The following GRIA1 variants were observed in gnomAD, a reference collection of about 807,000 sequenced individuals.
GRIA1 encodes the protein glutamate receptor 1.
A neutral mutation model predicts 99.2 loss-of-function variants in GRIA1; 31 were observed. The ratio of observed to expected loss-of-function variants is 0.31; its 90% confidence interval spans 0.23 to 0.42. The LOEUF (loss-of-function observed/expected upper bound fraction) is 0.42, where lower values mean the gene tolerates loss of function less well. GRIA1 is among the 10% of genes least tolerant of loss of function. The probability of loss-of-function intolerance (pLI) is 1.00; values close to 1 mark genes in which losing one functional copy is unlikely to be tolerated. For missense variants in GRIA1, 782 were observed against 1,157.5 expected, an observed-to-expected ratio of 0.68 and a Z score of 4.71; for synonymous variants, 438 against 432.4, an observed-to-expected ratio of 1.01 and a Z score of -0.16.
At chr5:153,768,201 G>A (rs976873908) in intron 12 of GRIA1, among the ~76,000 whole-genome samples, 1 of 152,246 alleles carries the variant, frequency 6.6e-6, no homozygotes, top group East Asian at 1.9e-4. Context: ...TTAGTTCTGG[G>A]TATTTCCTCC....
At chr5:153,554,265 T>G (rs2149344922) in intron 2 of GRIA1, among the ~76,000 whole-genome samples, 1 of 152,252 alleles carries the variant, frequency 6.6e-6, no homozygotes, top group East Asian at 1.9e-4. Flanking sequence ...TGCTGAAACA[T>G]TTCTCAGGAC....
intron 6 of GRIA1, among the ~76,000 whole-genome samples, chr5:153,676,578 G>A (rs1263165882): frequency 6.6e-6 from 1 of 152,172 alleles, no homozygotes; most frequent in African/African-American, 2.4e-5. Context: ...GCTGATGACT[G>A]TAATGCCGGG....
intron 2 of GRIA1, among the ~76,000 whole-genome samples, chr5:153,565,786 C>A (rs763581207): frequency 6.6e-6 from 1 of 151,754 alleles, no homozygotes; most frequent in Non-Finnish European, 1.5e-5. Context: ...GTGCTTCATC[C>A]CTTTATGGTA....
At chr5:153,542,666 TC>T (rs1444279836) in intron 2 of GRIA1, among the ~76,000 whole-genome samples, 2 of 152,192 alleles carry the variant, frequency 1.3e-5, no homozygotes, top group African/African-American at 4.8e-5. Flanking sequence ...CAGAGTCTAG[TC>T]TTTGCTCTGC....
At chr5:153,633,653 AAGTT>A (rs1312866410) in intron 2 of GRIA1, among the ~76,000 whole-genome samples, 2 of 152,170 alleles carry the variant, frequency 1.3e-5, no homozygotes, top group Non-Finnish European at 2.9e-5. Flanking sequence ...GAAAATGTAT[AAGTT>A]AGAGAGGTGA....
intron 2 of GRIA1, among the ~76,000 whole-genome samples, chr5:153,505,689 C>G (rs1016654363): frequency 6.6e-6 from 1 of 152,238 alleles, no homozygotes; most frequent in East Asian, 1.9e-4. Flanking sequence ...GTGTTCCACA[C>G]TTTGCTAGGC....
At chr5:153,530,000 A>C (rs1458073019) in intron 2 of GRIA1, among the ~76,000 whole-genome samples, 3 of 152,146 alleles carry the variant, frequency 2.0e-5, no homozygotes, top group African/African-American at 7.2e-5. Flanking sequence ...GGATATTCTG[A>C]AGCTCAAGTG....
chr5:153,780,344 C>T (rs1046796431), intron 13 of GRIA1, among the ~76,000 whole-genome samples: 14 of 152,176 alleles, frequency 9.2e-5, no homozygotes, highest in Admixed American at 3.3e-4. Context: ...CCCGCATTTA[C>T]GACCCATGTG....
intron 1 of GRIA1, 51 bp downstream of exon 1, chr5:153,491,021 T>A (rs1222585607): frequency 1.3e-6 from 2 of 1,542,704 alleles, no homozygotes; most frequent in South Asian, 1.1e-5. Flanking sequence ...GGCCAGGGAT[T>A]TTTTTGGGGA....
At chr5:153,612,388 G>C (rs1027496420) in intron 2 of GRIA1, among the ~76,000 whole-genome samples, 1 of 152,190 alleles carries the variant, frequency 6.6e-6, no homozygotes, top group Non-Finnish European at 1.5e-5. Context: ...GAAAATATGG[G>C]CTTGGAAATC....
At chr5:153,506,598 T>C (rs1755530068) in intron 2 of GRIA1, among the ~76,000 whole-genome samples, 1 of 152,200 alleles carries the variant, frequency 6.6e-6, no homozygotes, top group South Asian at 2.1e-4. Context: ...CTAATCTATC[T>C]GGTAAAGGCT....
intron 11 of GRIA1, among the ~76,000 whole-genome samples, chr5:153,709,257 G>A (rs1225183773): frequency 6.6e-6 from 1 of 152,176 alleles, no homozygotes; most frequent in Non-Finnish European, 1.5e-5. Context: ...GGCTTTTAAA[G>A]CTGACATTCA....
chr5:153,786,796 TA>T lies in GRIA1; in HGVS notation c.2271-7821del, dbSNP rs140195051. ...GGAGCATTGCAGAGCAACCAGGTCTTAAAAGAGAAGTTAAGGAGAACAGCAA... is the reference window on the plus strand; with the variant it reads ...GGAGCATTGCAGAGCAACCAGGTCTTAAAGAGAAGTTAAGGAGAACAGCAA... On this transcript the variant is annotated intron_variant, in intron 13 of 15. Coordinates refer to ENST00000285900, the MANE Select transcript of GRIA1 (RefSeq NM_000827.4). Among the ~76,000 whole-genome samples, 1,134 of 152,222 alleles carry T rather than the reference TA, an allele frequency of 7.4e-3. 5 individuals are homozygous for T. Among genetic ancestry groups the T allele is most frequent in the South Asian group, 0.016 (75 of 4,808 alleles).
chr5:153,793,448 C>T (rs1765442368), intron 13 of GRIA1, among the ~76,000 whole-genome samples: 1 of 152,180 alleles, frequency 6.6e-6, no homozygotes. Flanking sequence ...ATACCATCAT[C>T]AGAGTAATCC....
chr5:153,639,625 T>C (rs1482018714), intron 2 of GRIA1, among the ~76,000 whole-genome samples: 1 of 152,232 alleles, frequency 6.6e-6, no homozygotes, highest in Non-Finnish European at 1.5e-5. Flanking sequence ...TTCTTTGTAA[T>C]ATTCGCAGCA....
intron 2 of GRIA1, among the ~76,000 whole-genome samples, chr5:153,519,033 G>T (rs1398440890): frequency 1.3e-5 from 2 of 152,174 alleles, no homozygotes; most frequent in Admixed American, 1.3e-4. Context: ...GGGAGGCCGA[G>T]GTGGGCAGAT....
At chr5:153,710,044 G>T (rs1759197491) in intron 11 of GRIA1, among the ~76,000 whole-genome samples, 1 of 152,118 alleles carries the variant, frequency 6.6e-6, no homozygotes, top group Admixed American at 6.6e-5. Flanking sequence ...ATGCTTTAAA[G>T]ACTCCTCCAC....
intron 7 of GRIA1, among the ~76,000 whole-genome samples, chr5:153,679,033 T>G (rs1756789508): frequency 6.6e-6 from 1 of 152,254 alleles, no homozygotes; most frequent in Non-Finnish European, 1.5e-5. Context: ...CTTAGCACAC[T>G]GCTTCTGCCC....
intron 2 of GRIA1, among the ~76,000 whole-genome samples, chr5:153,628,085 A>G (rs1767808843): frequency 6.6e-6 from 1 of 152,240 alleles, no homozygotes; most frequent in African/African-American, 2.4e-5. Flanking sequence ...GACATAGTTA[A>G]TTCTAACACG....
Sources: gnomAD v4.1 joint callset for allele counts (sites outside exome capture counted in the v4.1 genomes callset) on GRCh38, gnomAD v4.1.1 for gene constraint, MANE v1.5 for transcripts, NCBI Gene and HGNC (gene_info 2026-07-23, HGNC 2026-07-21) for gene names.